Variants in NUDT4 observed in about 807,000 individuals in gnomAD.
NUDT4 encodes the protein diphosphoinositol polyphosphate phosphohydrolase 2.
A neutral mutation model predicts 23.1 loss-of-function variants in NUDT4; 5 were observed. The ratio of observed to expected loss-of-function variants is 0.22; its 90% CI spans 0.11 to 0.46. NUDT4 has a LOEUF of 0.46. NUDT4 is among the 20% of genes least tolerant of loss of function. The probability of loss-of-function intolerance (pLI) is 0.99; values close to 1 mark genes in which losing one functional copy is unlikely to be tolerated. For synonymous variants in NUDT4, 50 were observed against 79.0 expected, an observed-to-expected ratio of 0.63 and a Z score of 1.95; for missense variants, 96 against 211.6, an observed-to-expected ratio of 0.45 and a Z score of 3.39.
At chr12:93,397,686 C>CT (rs1877033275) in intron 3 of NUDT4, among the ~76,000 whole-genome samples, 1 of 152,050 alleles carries the variant, frequency 6.6e-6, no homozygotes, top group Admixed American at 6.6e-5. Flanking sequence ...CCACGCCCGG[C>CT]TAATATTTTC....
chr12:93,378,594 C>G, intron 1 of NUDT4, 173 bp downstream of exon 1: 1 of 1,282,104 alleles, frequency 7.8e-7, no homozygotes, highest in Non-Finnish European at 9.9e-7. Context: ...TCCTTCCTTT[C>G]TCTGGGCTGA....
chr12:93,399,148 CT>C (rs1442474169), intron 4 of NUDT4, 28 bp from the exon 5 acceptor site: 3 of 1,551,122 alleles, frequency 1.9e-6, no homozygotes, highest in South Asian at 1.1e-5. Flanking sequence ...AATGGACTGT[CT>C]TGTAACCAAT....
At chr12:93,387,163 C>T (rs574572230) in intron 1 of NUDT4, among the ~76,000 whole-genome samples, 1 of 152,114 alleles carries the variant, frequency 6.6e-6, no homozygotes, top group Admixed American at 6.5e-5. Context: ...AACTCCTGAC[C>T]TCAAGTGATC....
intron 1 of NUDT4, 148 bp from the exon 2 acceptor site, chr12:93,394,461 G>T: frequency 2.2e-6 from 1 of 445,150 alleles, no homozygotes; most frequent in Non-Finnish European, 4.0e-6. Flanking sequence ...TTGCATTTTT[G>T]TGGTGTAATG....
rs138098765 is a variant in NUDT4, at chr12:93,397,269, TAATG to T, written c.256-1496_256-1493del. 5.7e-3 allele frequency among the ~76,000 whole-genome samples: 852 copies of T among 150,314 alleles called. 6 individuals carry two copies. Among genetic ancestry groups the T allele is most frequent in the African/African-American group, 0.02 (813 of 41,486 alleles). On this transcript the variant is annotated intron_variant, in intron 3 of 4. Transcript: ENST00000415493. ...AAATAAAACAACTGATTCTTAAAAA[TAATG>T]AATGATGTGTTAATTGACAGTTGCC... is the stretch of plus-strand genomic sequence containing the variant.
chr12:93,395,632 C>G, intron 3 of NUDT4, 99 bp downstream of exon 3: 3 of 950,034 alleles, frequency 3.2e-6, no homozygotes, highest in Non-Finnish European at 5.1e-6. Context: ...AGACATTTCT[C>G]TCAGACTAGC....
rs1282728368 is a variant in NUDT4, at chr12:93,405,064, G to A, written c.*5685G>A. On this transcript the variant is annotated 3_prime_UTR_variant, in exon 5 of 5. Transcript: ENST00000415493. The stretch of plus-strand genomic sequence containing the variant: ...TTAGGAGAAAAAAACAACATGAATT[G>A]TAATAACTTGGACTTACTTGGTTGC... 8 of 152,128 alleles carry A rather than the reference G, an allele frequency of 5.3e-5. No individual in the cohort carries two copies. The highest frequency in any genetic ancestry group is 1.9e-4 in the African/African-American group (8 of 41,430). 9.4% of individuals were successfully genotyped at this position (152,128 alleles called of 1,614,324 possible).
intron 1 of NUDT4, among the ~76,000 whole-genome samples, chr12:93,379,596 A>G (rs567727400): frequency 6.6e-6 from 1 of 152,266 alleles, no homozygotes; most frequent in South Asian, 2.1e-4. Flanking sequence ...TTTTTTGAAA[A>G]GAAACCAAGC....
chr12:93,381,721 A>G (rs539506434), intron 1 of NUDT4, among the ~76,000 whole-genome samples: 1 of 152,230 alleles, frequency 6.6e-6, no homozygotes, highest in East Asian at 1.9e-4. Flanking sequence ...GCATAGAATC[A>G]GTAATAGTTG....
At chr12:93,384,891 G>T (rs1450242059) in intron 1 of NUDT4, among the ~76,000 whole-genome samples, 1 of 152,098 alleles carries the variant, frequency 6.6e-6, no homozygotes, top group Non-Finnish European at 1.5e-5. Context: ...CAAGTAGCTG[G>T]GATTACAGGC....
In NUDT4 at chr12:93,404,850, C is replaced by T. The variant is rs1877712935; in HGVS notation, c.*5471C>T. 1 of 151,796 alleles carries T rather than the reference C, an allele frequency of 6.6e-6. No homozygotes were observed. Among genetic ancestry groups the T allele is most frequent in the Non-Finnish European group, 1.5e-5 (1 of 67,970 alleles). The allele number at this position is 151,796 out of a possible 1,614,324, so 9.4% of individuals were successfully genotyped here. A position where few individuals can be genotyped will look rare whatever the true frequency, so the allele number is the denominator to read the frequency against. On this transcript the variant is annotated 3_prime_UTR_variant, in exon 5 of 5. Transcript: ENST00000415493. ...GAGAACTACAACCTACAGGCCAAACCCCACCCCACTGCCTGTTTGTACGGC... is the reference window on the plus strand; with the variant it reads ...GAGAACTACAACCTACAGGCCAAACTCCACCCCACTGCCTGTTTGTACGGC...
chr12:93,384,042 G>A (rs1287753339), intron 1 of NUDT4, among the ~76,000 whole-genome samples: 4 of 152,090 alleles, frequency 2.6e-5, no homozygotes, highest in African/African-American at 4.8e-5. Context: ...ATGGGAATTC[G>A]AGGCCCAAGG....
rs1245884158 is a variant in NUDT4 at position 93,402,271 on chromosome 12, A to G, written c.*2892A>G. 1 of 152,176 alleles carries G rather than the reference A, an allele frequency of 6.6e-6. No homozygotes were observed. The highest frequency in any genetic ancestry group is 1.5e-5 in the Non-Finnish European group (1 of 68,022). 9.4% of individuals were successfully genotyped at this position (152,176 alleles called of 1,614,324 possible). A position where few individuals can be genotyped will look rare whatever the true frequency, so the allele number is the denominator to read the frequency against. Reference sequence around the variant, plus strand: ...TGGAAACATCAAATAAAAATGGAAAAAATGATCATGGCTTTAAAAAAAAAA... The same window carrying G: ...TGGAAACATCAAATAAAAATGGAAAGAATGATCATGGCTTTAAAAAAAAAA... On this transcript the variant is annotated 3_prime_UTR_variant, in exon 5 of 5. Transcript: ENST00000415493.
intron 1 of NUDT4, among the ~76,000 whole-genome samples, chr12:93,390,109 A>G (rs1312682434): frequency 6.6e-6 from 1 of 152,146 alleles, no homozygotes; most frequent in Non-Finnish European, 1.5e-5. Flanking sequence ...TGAACTCCCT[A>G]TTTACTATTT....
chr12:93,382,278 A>C (rs1192591452), intron 1 of NUDT4, among the ~76,000 whole-genome samples: 1 of 150,672 alleles, frequency 6.6e-6, no homozygotes, highest in Non-Finnish European at 1.5e-5. Flanking sequence ...AAAAAAAAAA[A>C]AAACAACAAA....
At chr12:93,379,007 A>C (rs1565773418) in intron 1 of NUDT4, among the ~76,000 whole-genome samples, 1 of 152,150 alleles carries the variant, frequency 6.6e-6, no homozygotes, top group Non-Finnish European at 1.5e-5. Flanking sequence ...TCCCTTCTTA[A>C]AGTTTTCTGA....
rs1259738877 is a variant in NUDT4 at position 93,395,213 on chromosome 12, TGACC to T, written c.211-275_211-272del. On this transcript the variant is annotated intron_variant, in intron 2 of 4. Coordinates refer to ENST00000415493, the MANE Select transcript of NUDT4 (RefSeq NM_019094.6). ...GTTGGCCAGGCTGGTCTCGAACTCCTGACCTCAAGTGATCCTTCTGCCTCGGCCT... is the reference window on the plus strand; with the variant it reads ...GTTGGCCAGGCTGGTCTCGAACTCCTTCAAGTGATCCTTCTGCCTCGGCCT... 1.1e-4 allele frequency among the ~76,000 whole-genome samples: 17 copies of T among 152,302 alleles called. No homozygotes were observed. In the East Asian group the frequency reaches 3.1e-3, roughly 28 times the overall value.
rs138104686 is a variant in NUDT4, at chr12:93,394,699, G to T, written c.190G>T (p.Val64Leu). ...CGAGGAGGAACCTGGCGGTGCTGCC[G>T]TGAGGGAAGTTTATGAGGAGGTGAG... ...EPEEEPGGAA[V>L]REVYEEAGVK... The change falls in exon 2 of 5, where the codon GTG becomes TTG. Residue 64 changes from valine to leucine, a missense_variant. Val to Leu is a conservative substitution (Grantham distance 32). Coordinates refer to ENST00000415493, the MANE Select transcript of NUDT4 (RefSeq NM_019094.6). The T allele has an allele frequency of 1.3e-6, 2 of 1,549,456 alleles. No homozygotes were observed. Among genetic ancestry groups the T allele is most frequent in the African/African-American group, 1.4e-5 (1 of 73,140 alleles).
chr12:93,393,603 A>G (rs930053645), intron 1 of NUDT4, among the ~76,000 whole-genome samples: 4 of 152,166 alleles, frequency 2.6e-5, no homozygotes, highest in South Asian at 2.1e-4. Context: ...TGGACACTGA[A>G]ATTTGAATTT....
Sources: allele counts gnomAD v4.1 joint callset (sites outside exome capture counted in the v4.1 genomes callset), GRCh38; gene constraint gnomAD v4.1.1; transcripts MANE v1.5; gene names NCBI Gene and HGNC (gene_info 2026-07-23, HGNC 2026-07-21).